GNA14: variants seen among roughly 807,000 people sequenced by gnomAD.
GNA14 encodes guanine nucleotide-binding protein subunit alpha-14.
GNA14 carries 50 observed loss-of-function variants against 42.0 expected under a neutral mutation model. The ratio of observed to expected loss-of-function variants is 1.19; its 90% CI spans 0.95 to 1.51. The LOEUF is 1.51. GNA14 is among the 40% of genes most tolerant of loss of function. The probability of loss-of-function intolerance (pLI) is 0.00; values close to 1 mark genes in which losing one functional copy is unlikely to be tolerated. For synonymous variants in GNA14, 173 were observed against 163.1 expected, an observed-to-expected ratio of 1.06 and a Z score of -0.46; for missense variants, 473 against 446.2, an observed-to-expected ratio of 1.06 and a Z score of -0.54.
intron 2 of GNA14, among the ~76,000 whole-genome samples, chr9:77,435,315 C>T (rs12551934): frequency 0.4 from 60,955 of 151,698 alleles, 14,121 homozygotes; most frequent in Middle Eastern, 0.55. Flanking sequence ...CGAGATGGTG[C>T]CAAGGCACTC....
chr9:77,591,631 C>T (rs552383253), intron 1 of GNA14, among the ~76,000 whole-genome samples: 4 of 152,166 alleles, frequency 2.6e-5, no homozygotes, highest in African/African-American at 4.8e-5. Flanking sequence ...ACATTCAGTA[C>T]AGTAGTATGT....
At position 77,431,235 on chromosome 9, in the gene GNA14, G is replaced by A; in HGVS notation, c.593+86C>T. Reference sequence around the variant, plus strand: ...CTCTGTCCTAAGAGATATAATCCCTGCTTAGGAATAACACGTTTAAGAATC... The same window carrying A: ...CTCTGTCCTAAGAGATATAATCCCTACTTAGGAATAACACGTTTAAGAATC... On this transcript the variant is annotated intron_variant, in intron 4 of 6. Transcript: ENST00000341700. 3 of 1,251,750 alleles carry A rather than the reference G, an allele frequency of 2.4e-6. No individual in the cohort carries two copies. In the Admixed American group the frequency reaches 5.5e-5, roughly 23 times the overall value. The allele number at this position is 1,251,750 out of a possible 1,614,324, so 77.5% of individuals were successfully genotyped here. A position where few individuals can be genotyped will look rare whatever the true frequency, so the allele number is the denominator to read the frequency against.
At chr9:77,460,545 G>A (rs1160963681) in intron 2 of GNA14, among the ~76,000 whole-genome samples, 1 of 152,192 alleles carries the variant, frequency 6.6e-6, no homozygotes, top group Non-Finnish European at 1.5e-5. Flanking sequence ...GCAAAACTCT[G>A]GACAGACGGG....
At chr9:77,504,548 A>AAGAGAG (rs10559406) in intron 2 of GNA14, among the ~76,000 whole-genome samples, 11 of 145,036 alleles carry the variant, frequency 7.6e-5, no homozygotes, top group Non-Finnish European at 1.2e-4. Flanking sequence ...AAAAAAAAAA[A>AAGAGAG]AGAGAGAGAG....
Position 77,529,128 on chromosome 9 carries a change from G to A in GNA14, c.250C>T (p.Gln84Ter), listed in dbSNP as rs1281462183. ...GTGTCCATCGCTCTGATCATGGCTT[G>A]CATGGCGGTGAATATGTTTTGGTAA... ...LVYQNIFTAMQAMIRAMDTLR... is the reference protein window; with the variant it reads ...LVYQNIFTAM Residue 84 changes from glutamine to a stop codon, truncating the protein, a stop_gained, in exon 2 of 7, where the codon CAA (glutamine) becomes TAA (stop). Coordinates refer to ENST00000341700, the MANE Select transcript of GNA14 (RefSeq NM_004297.4). LOFTEE classifies it high-confidence loss of function. The A allele has an allele frequency of 6.2e-7, 1 of 1,614,158 alleles. No homozygotes were observed. The highest frequency in any genetic ancestry group is 8.5e-7 in the Non-Finnish European group (1 of 1,179,996).
intron 2 of GNA14, among the ~76,000 whole-genome samples, chr9:77,487,938 G>C (rs988398274): frequency 2.0e-5 from 3 of 152,030 alleles, no homozygotes; most frequent in African/African-American, 4.8e-5. Context: ...TTGGGCACTG[G>C]AGCCAGTTTA....
chr9:77,485,540 T>G (rs1289087269), intron 2 of GNA14, among the ~76,000 whole-genome samples: 1 of 152,196 alleles, frequency 6.6e-6, no homozygotes, highest in East Asian at 1.9e-4. Flanking sequence ...TGGTGAATCC[T>G]TCCCAGAAGG....
chr9:77,515,767 C>T (rs1837243723), intron 2 of GNA14, among the ~76,000 whole-genome samples: 1 of 151,612 alleles, frequency 6.6e-6, no homozygotes, highest in Admixed American at 6.6e-5. Context: ...AGTTCAAGAC[C>T]AGCCTGGGCA....
chr9:77,563,755 G>GT (rs1822921098), intron 1 of GNA14, among the ~76,000 whole-genome samples: 1 of 152,010 alleles, frequency 6.6e-6, no homozygotes, highest in Non-Finnish European at 1.5e-5. Context: ...CTTTCAAATG[G>GT]TAACAATGAA....
intron 1 of GNA14, among the ~76,000 whole-genome samples, chr9:77,626,937 A>T (rs1222305960): frequency 6.6e-6 from 1 of 152,192 alleles, no homozygotes; most frequent in Non-Finnish European, 1.5e-5. Context: ...AAAATCAATG[A>T]ACGCAGGAGC....
At chr9:77,483,716 T>G (rs1160691298) in intron 2 of GNA14, among the ~76,000 whole-genome samples, 2 of 152,116 alleles carry the variant, frequency 1.3e-5, no homozygotes. Flanking sequence ...GAGTCTTATA[T>G]GAAAATTCCC....
At chr9:77,544,894 G>A (rs1226431254) in intron 1 of GNA14, among the ~76,000 whole-genome samples, 1 of 152,084 alleles carries the variant, frequency 6.6e-6, no homozygotes, top group Non-Finnish European at 1.5e-5. Flanking sequence ...GCCGTGATAA[G>A]ACTTTGGACT....
At chr9:77,604,867 T>A (rs949614927) in intron 1 of GNA14, among the ~76,000 whole-genome samples, 2 of 152,192 alleles carry the variant, frequency 1.3e-5, no homozygotes, top group African/African-American at 4.8e-5. Flanking sequence ...TGATTCAGCA[T>A]CCCCCAACAT....
In GNA14 at chr9:77,595,369, T is replaced by G. The variant is rs369049513; in HGVS notation, c.124+52301A>C. 2.0e-5 allele frequency among the ~76,000 whole-genome samples: 3 copies of G among 152,164 alleles called. No homozygotes were observed. In the East Asian group the frequency reaches 5.8e-4, roughly 29 times the overall value. ...CGTGAGCACAGAAGATGATTCTTCA[T>G]GACAAATGCCTTCAATATTTCTTTC... On this transcript the variant is annotated intron_variant, in intron 1 of 6. Coordinates refer to ENST00000341700, the MANE Select transcript of GNA14 (RefSeq NM_004297.4).
In GNA14 at chr9:77,595,811, A is replaced by C. The variant is rs371389431; in HGVS notation, c.124+51859T>G. On this transcript the variant is annotated intron_variant, in intron 1 of 6. Coordinates refer to ENST00000341700, the MANE Select transcript of GNA14 (RefSeq NM_004297.4). ...CATTGTATTCTCTCAAGAGAGAGAG[A>C]GATAAGACGCACTCAAGGCAGTTAG... is the stretch of plus-strand genomic sequence containing the variant. Among the ~76,000 whole-genome samples the C allele has an allele frequency of 5.3e-5, 8 of 152,302 alleles. No individual in the cohort carries two copies. The South Asian group carries it at 1.5e-3, about 28-fold the overall frequency.
Position 77,546,073 on chromosome 9 carries a change from C to G in GNA14, c.125-16820G>C, listed in dbSNP as rs145278915. Among the ~76,000 whole-genome samples the G allele has an allele frequency of 5.0e-3, 757 of 151,966 alleles. 9 individuals are homozygous for G. Among genetic ancestry groups the G allele is most frequent in the African/African-American group, 0.017 (725 of 41,454 alleles). On this transcript the variant is annotated intron_variant, in intron 1 of 6. Coordinates refer to ENST00000341700, the MANE Select transcript of GNA14 (RefSeq NM_004297.4). Reference sequence around the variant, plus strand: ...TCTAACTAAATATACAAAAAATAGCCGGGCGTGGTGGCGGGTGCCTGTAAT... The same window carrying G: ...TCTAACTAAATATACAAAAAATAGCGGGGCGTGGTGGCGGGTGCCTGTAAT...
At chr9:77,565,643 A>G (rs910257848) in intron 1 of GNA14, among the ~76,000 whole-genome samples, 2 of 152,150 alleles carry the variant, frequency 1.3e-5, no homozygotes, top group African/African-American at 4.8e-5. Flanking sequence ...TTCTTAGTAG[A>G]GATGGGATTT....
intron 1 of GNA14, among the ~76,000 whole-genome samples, chr9:77,567,469 G>C (rs1587832589): frequency 6.6e-6 from 1 of 152,196 alleles, no homozygotes; most frequent in East Asian, 1.9e-4. Context: ...CAGTATAGCA[G>C]GCAAAATAAG....
At chr9:77,492,301 G>A (rs1311265041) in intron 2 of GNA14, among the ~76,000 whole-genome samples, 1 of 151,172 alleles carries the variant, frequency 6.6e-6, no homozygotes, top group African/African-American at 2.4e-5. Context: ...ATGGAGATCA[G>A]AATATAAATA....
Sources: allele counts gnomAD v4.1 joint callset (sites outside exome capture counted in the v4.1 genomes callset), GRCh38; gene constraint gnomAD v4.1.1; transcripts MANE v1.5; gene names NCBI Gene and HGNC (gene_info 2026-07-23, HGNC 2026-07-21).